NECTIN3: variants seen among roughly 807,000 people sequenced by gnomAD.
NECTIN3 encodes nectin cell adhesion molecule 3.
Under a neutral mutation model 49.4 loss-of-function variants are expected in NECTIN3, and 8 were observed. The ratio of observed to expected loss-of-function variants is 0.16; its 90% confidence interval spans 0.10 to 0.29. NECTIN3 has a LOEUF of 0.29. NECTIN3 is among the 10% of genes least tolerant of loss of function. The pLI is 1.00. For synonymous variants in NECTIN3, 277 were observed against 241.1 expected (o/e 1.15, Z -1.38); for missense variants, 581 against 654.6 (o/e 0.89, Z 1.23).
At chr3:111,192,063 C>G (rs181641378), upstream of NECTIN3, among the ~76,000 whole-genome samples, 340 of 152,268 alleles carry the variant, frequency 2.2e-3, no homozygotes, top group Non-Finnish European at 3.9e-3. Flanking sequence ...AACTTCTGGC[C>G]TCAAGTTATC....
intron 1 of NECTIN3, among the ~76,000 whole-genome samples, chr3:111,097,489 G>T (rs2032658037): frequency 6.6e-6 from 1 of 152,134 alleles, no homozygotes; most frequent in Non-Finnish European, 1.5e-5. Flanking sequence ...AGATTTGGGA[G>T]GGGCCAGAGA....
rs1010287231 is a variant in NECTIN3 at position 111,136,196 on chromosome 3, G to T, written c.*1981G>T. On this transcript the variant is annotated 3_prime_UTR_variant, in exon 6 of 6. Transcript: ENST00000485303. ...AAATAATGGTTTGAAATACTGTATG[G>T]ATCTGAACAGAATAATCACATTTAG... 8.3e-6 allele frequency: 8 copies of T among 967,190 alleles called. No homozygotes were observed. Among genetic ancestry groups the T allele is most frequent in the Non-Finnish European group, 8.6e-6 (7 of 813,718 alleles). The allele number at this position is 967,190 out of a possible 1,614,324, so 59.9% of individuals were successfully genotyped here. A position where few individuals can be genotyped will look rare whatever the true frequency, so the allele number is the denominator to read the frequency against.
intron 1 of NECTIN3, chr3:111,075,021 T>C (rs1016081225): frequency 6.6e-6 from 1 of 152,100 alleles, no homozygotes. Context: ...AAGATGAATG[T>C]TTAAAAGAGC....
chr3:111,166,351 A>G (rs1466449962), intron 7 of NECTIN3, among the ~76,000 whole-genome samples: 1 of 147,834 alleles, frequency 6.8e-6, no homozygotes, highest in East Asian at 1.9e-4. Context: ...GAACAATGTT[A>G]TGTCCACCAT....
chr3:111,179,840 G>A (rs905246264), intron 7 of NECTIN3, among the ~76,000 whole-genome samples: 10 of 150,608 alleles, frequency 6.6e-5, no homozygotes, highest in African/African-American at 1.2e-4. Context: ...GCAGTGAGCC[G>A]AGGTCACACC....
intron 7 of NECTIN3, among the ~76,000 whole-genome samples, chr3:111,176,287 A>G (rs1039411479): frequency 1.3e-5 from 2 of 152,186 alleles, no homozygotes; most frequent in Non-Finnish European, 2.9e-5. Context: ...CATGCAACCT[A>G]CCTTCACTGG....
intron 7 of NECTIN3, among the ~76,000 whole-genome samples, chr3:111,158,301 T>C (rs1354290995): frequency 2.0e-5 from 3 of 152,078 alleles, no homozygotes; most frequent in Non-Finnish European, 2.9e-5. Context: ...TTAAAGGCCT[T>C]TAAAAGGAAA....
At chr3:111,118,561 CCTTAA>C in intron 2 of NECTIN3, 90 bp from the exon 3 acceptor site, 1 of 1,137,550 alleles carries the variant, frequency 8.8e-7, no homozygotes, top group Non-Finnish European at 1.2e-6. Flanking sequence ...ATGCAGTTGT[CCTTAA>C]GCTTGTGAAA....
intron 5 of NECTIN3, among the ~76,000 whole-genome samples, chr3:111,143,329 G>C (rs2034796180): frequency 6.6e-6 from 1 of 151,776 alleles, no homozygotes; most frequent in Admixed American, 6.6e-5. Context: ...TAATGTTTCA[G>C]AATCTATTCA....
rs72937931 is a variant in NECTIN3 at position 111,135,477 on chromosome 3, T to C, written c.*1262T>C. ...AATGTTACCTAAACTTCAAATGTGC[T>C]TTTTGTTTGTGAGGTAATTAAATTG... On this transcript the variant is annotated 3_prime_UTR_variant, in exon 6 of 6. Transcript: ENST00000485303. 1,969 of 964,436 alleles carry C rather than the reference T, an allele frequency of 2.0e-3. 29 individuals carry two copies. The African/African-American group carries it at 0.033, about 16-fold the overall frequency. 59.7% of individuals were successfully genotyped at this position (964,436 alleles called of 1,614,324 possible).
At chr3:111,178,987 T>C (rs2035580852) in intron 7 of NECTIN3, among the ~76,000 whole-genome samples, 1 of 152,236 alleles carries the variant, frequency 6.6e-6, no homozygotes, top group African/African-American at 2.4e-5. Context: ...GTGCTTGTCT[T>C]ACTATAAATC....
chr3:111,103,706 G>C (rs935149218), intron 1 of NECTIN3, among the ~76,000 whole-genome samples: 2 of 151,896 alleles, frequency 1.3e-5, no homozygotes, highest in African/African-American at 4.8e-5. Context: ...GTAGTGAGAG[G>C]GGAAATCCTT....
chr3:111,179,591 G>T (rs1009049393), intron 7 of NECTIN3, among the ~76,000 whole-genome samples: 1 of 152,026 alleles, frequency 6.6e-6, no homozygotes, highest in African/African-American at 2.4e-5. Flanking sequence ...TCAAGTCTTG[G>T]GGAATAAGAT....
At chr3:111,187,813 C>T (rs571154545), upstream of NECTIN3, among the ~76,000 whole-genome samples, 1 of 152,238 alleles carries the variant, frequency 6.6e-6, no homozygotes, top group South Asian at 2.1e-4. Context: ...TGGTGGAACA[C>T]AGGAGATTTT....
upstream of NECTIN3, among the ~76,000 whole-genome samples, chr3:111,191,436 G>A (rs80152896): frequency 0.021 from 3,159 of 152,200 alleles, 170 homozygotes; most frequent in East Asian, 0.22. Flanking sequence ...AGAAAAGGGT[G>A]GCCATCTCTG....
chr3:111,105,707 G>A (rs185870550), intron 1 of NECTIN3, among the ~76,000 whole-genome samples: 1 of 151,990 alleles, frequency 6.6e-6, no homozygotes, highest in Admixed American at 6.6e-5. Flanking sequence ...GATTGTACTG[G>A]CTAGAACCTT....
At chr3:111,119,350 TCTGCCGCCAGGCTGGA>T (rs554953392) in intron 3 of NECTIN3, among the ~76,000 whole-genome samples, 34 of 152,318 alleles carry the variant, frequency 2.2e-4, no homozygotes, top group Admixed American at 5.2e-4. Context: ...GGAATCTTGC[TCTGCCGCCAGGCTGGA>T]CTGCCGCCAG....
chr3:111,108,829 A>G (rs1424575453), intron 1 of NECTIN3, among the ~76,000 whole-genome samples: 3 of 152,170 alleles, frequency 2.0e-5, no homozygotes, highest in Admixed American at 6.5e-5. Flanking sequence ...GACAGCACCA[A>G]GCTATTAATG....
intron 7 of NECTIN3, among the ~76,000 whole-genome samples, chr3:111,167,598 G>A (rs1057490299): frequency 1.2e-4 from 19 of 152,240 alleles, no homozygotes; most frequent in African/African-American, 4.3e-4. Flanking sequence ...CTTAGAGTAG[G>A]TTGATGAAGA....
Sources: allele counts gnomAD v4.1 joint callset (sites outside exome capture counted in the v4.1 genomes callset), GRCh38; gene constraint gnomAD v4.1.1; transcripts MANE v1.5; gene names NCBI Gene and HGNC (gene_info 2026-07-23, HGNC 2026-07-21).